UNC13C: variants seen among roughly 807,000 people sequenced by gnomAD.
The protein encoded by UNC13C is unc-13 homolog C, also known as protein unc-13 homolog C.
Under a neutral mutation model 245.4 loss-of-function variants are expected in UNC13C, and 174 were observed. That is an observed-to-expected ratio of 0.71 (90% CI 0.63 to 0.80). The LOEUF is 0.80. Ranked by LOEUF, UNC13C falls within the 30% of genes least tolerant of loss-of-function variation. The pLI is 0.00. For missense variants in UNC13C, 2,829 were observed against 2,602.9 expected (o/e 1.09, Z -1.89); for synonymous variants, 992 against 895.1 (o/e 1.11, Z -1.93).
intron 13 of UNC13C, among the ~76,000 whole-genome samples, chr15:54,318,646 T>C (rs1442558600): frequency 6.6e-6 from 1 of 151,892 alleles, no homozygotes; most frequent in Non-Finnish European, 1.5e-5. Context: ...AGATGTACAG[T>C]TGACATTTTG....
At chr15:54,196,370 C>G (rs1354269336) in intron 4 of UNC13C, among the ~76,000 whole-genome samples, 1 of 151,788 alleles carries the variant, frequency 6.6e-6, no homozygotes, top group East Asian at 1.9e-4. Flanking sequence ...CTGCAACCTC[C>G]AGAAATGAGA....
At chr15:53,921,676 T>C in the UNC13C span, among the ~76,000 whole-genome samples, 3 of 152,206 alleles carry the variant, frequency 2.0e-5, no homozygotes, top group East Asian at 1.9e-4. Flanking sequence ...GCCCTTACCC[T>C]CTGGCATGGA....
At chr15:54,580,996 AC>A (rs1898176039) in intron 30 of UNC13C, among the ~76,000 whole-genome samples, 1 of 152,218 alleles carries the variant, frequency 6.6e-6, no homozygotes, top group Non-Finnish European at 1.5e-5. Flanking sequence ...TAGGTATGTG[AC>A]ACCAGGGATA....
At chr15:54,553,351 TATATA>T (rs999340989) in intron 28 of UNC13C, among the ~76,000 whole-genome samples, 3 of 122,006 alleles carry the variant, frequency 2.5e-5, no homozygotes, top group South Asian at 2.4e-4. Flanking sequence ...TATATTGTAA[TATATA>T]ATATAATATA....
At chr15:54,443,261 T>C (rs1890630121) in intron 19 of UNC13C, among the ~76,000 whole-genome samples, 1 of 152,108 alleles carries the variant, frequency 6.6e-6, no homozygotes, top group Non-Finnish European at 1.5e-5. Flanking sequence ...TTATAATGTC[T>C]CTTTTTTCAA....
At chr15:54,416,984 C>G (rs977133206) in intron 19 of UNC13C, 3 of 456,462 alleles carry the variant, frequency 6.6e-6, no homozygotes, top group African/African-American at 6.0e-5. Context: ...GAGGGCTCAG[C>G]TACTGACACC....
At chr15:54,626,707 C>A (rs1478399518) in intron 32 of UNC13C, 121 bp from the exon 33 acceptor site, 2 of 889,876 alleles carry the variant, frequency 2.2e-6, no homozygotes, top group East Asian at 2.7e-5. Context: ...ACACTGATAT[C>A]CTATTTGCCA....
intron 1 of UNC13C, among the ~76,000 whole-genome samples, chr15:53,995,029 T>C (rs1215522959): frequency 2.0e-5 from 3 of 152,100 alleles, no homozygotes; most frequent in Admixed American, 2.0e-4. Context: ...ATGTCCAGTG[T>C]GTATAATTAG....
At chr15:54,225,509 T>C (rs113987448) in intron 4 of UNC13C, among the ~76,000 whole-genome samples, 7,578 of 152,324 alleles carry the variant, frequency 0.05, 385 homozygotes, top group East Asian at 0.27. Flanking sequence ...GTAGTTCTCC[T>C]TGAAGAGGCC....
intron 30 of UNC13C, among the ~76,000 whole-genome samples, chr15:54,602,317 A>G (rs1271227891): frequency 6.6e-6 from 1 of 152,208 alleles, no homozygotes; most frequent in Non-Finnish European, 1.5e-5. Flanking sequence ...GGAGAACAAT[A>G]GATGAATTTC....
rs2036191159 is a variant in UNC13C at position 54,252,988 on chromosome 15, A to G, written c.3448+2544A>G. Among the ~76,000 whole-genome samples the G allele has an allele frequency of 3.3e-5, 5 of 152,180 alleles. No individual in the cohort carries two copies. The South Asian group carries it at 8.3e-4, about 25-fold the overall frequency. On this transcript the variant is annotated intron_variant, in intron 8 of 32. Transcript: ENST00000260323. ...CTGGTGAAAATATTTAATGAATTCT[A>G]TTAAATATGACAGTTTTTCAAGTAC...
chr15:54,198,469 C>A (rs1202864101), intron 4 of UNC13C, among the ~76,000 whole-genome samples: 1 of 152,162 alleles, frequency 6.6e-6, no homozygotes, highest in East Asian at 1.9e-4. Context: ...CACTCCCCTG[C>A]TACCTCCAGT....
the UNC13C span, among the ~76,000 whole-genome samples, chr15:53,926,999 T>G: frequency 6.6e-6 from 1 of 152,338 alleles, no homozygotes; most frequent in South Asian, 2.1e-4. Context: ...CTTAAGCAGA[T>G]AGATTGTCAT....
chr15:54,227,576 C>T (rs1345547567), intron 4 of UNC13C, among the ~76,000 whole-genome samples: 2 of 152,332 alleles, frequency 1.3e-5, no homozygotes, highest in South Asian at 4.1e-4. Context: ...TGTGTCAGGA[C>T]TTCCCTGAGT....
At chr15:54,090,697 T>G (rs1899518688) in intron 2 of UNC13C, among the ~76,000 whole-genome samples, 1 of 152,184 alleles carries the variant, frequency 6.6e-6, no homozygotes, top group South Asian at 2.1e-4. Flanking sequence ...CCTTTTTCCA[T>G]CTGAATGTCA....
chr15:53,903,762 T>G, the UNC13C span, among the ~76,000 whole-genome samples: 1 of 152,156 alleles, frequency 6.6e-6, no homozygotes. Flanking sequence ...AAGTCTAGGT[T>G]GGACAAAAAG....
At chr15:54,038,124 A>ATTTTT (rs58063301) in intron 2 of UNC13C, among the ~76,000 whole-genome samples, 5 of 45,034 alleles carry the variant, frequency 1.1e-4, no homozygotes, top group African/African-American at 5.3e-4. Context: ...ATATATATAT[A>ATTTTT]TTTTTTTTTT....
At chr15:54,576,554 A>C (rs1305800475) in intron 30 of UNC13C, among the ~76,000 whole-genome samples, 2 of 152,214 alleles carry the variant, frequency 1.3e-5, no homozygotes, top group Admixed American at 1.3e-4. Flanking sequence ...TAGCCAGGAC[A>C]CCTTTTAAGT....
chr15:54,433,385 A>G (rs1283336520), intron 19 of UNC13C, among the ~76,000 whole-genome samples: 1 of 152,088 alleles, frequency 6.6e-6, no homozygotes, highest in Non-Finnish European at 1.5e-5. Context: ...CTTATCCACC[A>G]CGTTCAAGTC....
Sources: allele counts gnomAD v4.1 joint callset (sites outside exome capture counted in the v4.1 genomes callset), GRCh38; gene constraint gnomAD v4.1.1; transcripts MANE v1.5; gene names NCBI Gene and HGNC (gene_info 2026-07-23, HGNC 2026-07-21).